SGIP1: variants seen among roughly 807,000 people sequenced by gnomAD.
SGIP1 encodes SH3GL interacting endocytic adaptor 1.
A neutral mutation model predicts 107.5 loss-of-function variants in SGIP1; 38 were observed. The ratio of observed to expected loss-of-function variants is 0.35; its 90% CI spans 0.27 to 0.46. The LOEUF is 0.46. SGIP1 is among the 20% of genes least tolerant of loss of function. The probability of loss-of-function intolerance (pLI) is 1.00; values close to 1 mark genes in which losing one functional copy is unlikely to be tolerated. For synonymous variants in SGIP1, 365 were observed against 366.1 expected, an observed-to-expected ratio of 1.00 and a Z score of 0.03; for missense variants, 929 against 1,019.5, an observed-to-expected ratio of 0.91 and a Z score of 1.21.
intron 18 of SGIP1, chr1:66,704,265 C>T (rs1208546838): frequency 1.3e-5 from 2 of 152,026 alleles, no homozygotes; most frequent in East Asian, 1.9e-4. Context: ...GTCTCCCTTC[C>T]TTGTCAGCAG....
At chr1:66,592,818 A>G (rs1036742809) in intron 1 of SGIP1, among the ~76,000 whole-genome samples, 1 of 148,496 alleles carries the variant, frequency 6.7e-6, no homozygotes, top group Non-Finnish European at 1.5e-5. Flanking sequence ...CTACGATTTC[A>G]TATAGTTGGA....
Position 66,614,312 on chromosome 1 carries a change from T to C in SGIP1, c.11-11535T>C, listed in dbSNP as rs138745989. On this transcript the variant is annotated intron_variant, in intron 1 of 24. Coordinates refer to ENST00000371037, the MANE Select transcript of SGIP1 (RefSeq NM_032291.4). The stretch of plus-strand genomic sequence containing the variant: ...AGGGAGAGCAGGTGTTCACTGTAAC[T>C]TGATGGATTTAAGTGATCCAACAGG... Among the ~76,000 whole-genome samples the C allele has an allele frequency of 3.3e-5, 5 of 152,340 alleles. No homozygotes were observed. In the East Asian group the frequency reaches 9.6e-4, roughly 29 times the overall value.
At chr1:66,725,908 A>C (rs1389746129) in intron 19 of SGIP1, among the ~76,000 whole-genome samples, 1 of 152,240 alleles carries the variant, frequency 6.6e-6, no homozygotes, top group East Asian at 1.9e-4. Flanking sequence ...GCACTGCAGA[A>C]GATGGCAGTG....
intron 1 of SGIP1, among the ~76,000 whole-genome samples, chr1:66,578,902 C>T (rs1185422145): frequency 6.6e-6 from 1 of 152,048 alleles, no homozygotes; most frequent in Non-Finnish European, 1.5e-5. Flanking sequence ...GACTCCCAAC[C>T]TCAGGAGATC....
chr1:66,610,458 TC>T (rs1413995171), intron 1 of SGIP1, among the ~76,000 whole-genome samples: 2 of 152,168 alleles, frequency 1.3e-5, no homozygotes, highest in African/African-American at 4.8e-5. Flanking sequence ...TCCCTGGAGT[TC>T]AGTTTTGCTC....
At chr1:66,675,792 C>G (rs1203011000) in intron 12 of SGIP1, among the ~76,000 whole-genome samples, 1 of 152,022 alleles carries the variant, frequency 6.6e-6, no homozygotes, top group Non-Finnish European at 1.5e-5. Flanking sequence ...CCTCAGCCTC[C>G]CAAAGTGCTG....
intron 20 of SGIP1, among the ~76,000 whole-genome samples, chr1:66,730,776 G>A (rs2093972241): frequency 6.6e-6 from 1 of 152,052 alleles, no homozygotes; most frequent in Non-Finnish European, 1.5e-5. Flanking sequence ...AATCCTTTTA[G>A]CTCCAGCCAG....
chr1:66,686,634 T>TCC (rs1169421847), intron 15 of SGIP1, among the ~76,000 whole-genome samples: 2 of 152,138 alleles, frequency 1.3e-5, no homozygotes, highest in African/African-American at 2.4e-5. Context: ...GCCCTGAACA[T>TCC]CCCCTGCTAA....
rs561263658 is a variant in SGIP1, at chr1:66,742,284, T to C, written c.2465-789T>C. Reference sequence around the variant, plus strand: ...TGGCACAAACAATGGGGTTTTATTTTGTTTTTCAATTGGGGGAGAGGAACT... The same window carrying C: ...TGGCACAAACAATGGGGTTTTATTTCGTTTTTCAATTGGGGGAGAGGAACT... On this transcript the variant is annotated intron_variant, in intron 24 of 24. Transcript: ENST00000371037. Among the ~76,000 whole-genome samples the C allele has an allele frequency of 4.6e-5, 7 of 152,196 alleles. No individual in the cohort carries two copies. In the South Asian group the frequency reaches 1.5e-3, roughly 32 times the overall value.
chr1:66,699,049 G>A (rs1463939731), intron 18 of SGIP1, among the ~76,000 whole-genome samples: 1 of 151,684 alleles, frequency 6.6e-6, no homozygotes, highest in Non-Finnish European at 1.5e-5. Context: ...CTGTTTACTC[G>A]TCTTTTCCCA....
intron 1 of SGIP1, among the ~76,000 whole-genome samples, chr1:66,606,546 G>A (rs562614817): frequency 1.2e-3 from 177 of 152,310 alleles, no homozygotes; most frequent in African/African-American, 4.2e-3. Context: ...AGGGAGACAT[G>A]ACAGAGGGCT....
chr1:66,568,920 A>G (rs2060019386), intron 1 of SGIP1, among the ~76,000 whole-genome samples: 1 of 151,942 alleles, frequency 6.6e-6, no homozygotes, highest in South Asian at 2.1e-4. Context: ...CTGCTACCCC[A>G]TATAGCACAG....
chr1:66,709,679 G>T (rs2092779144), intron 18 of SGIP1, among the ~76,000 whole-genome samples: 1 of 152,034 alleles, frequency 6.6e-6, no homozygotes, highest in Non-Finnish European at 1.5e-5. Context: ...CTTACCTCAG[G>T]ACAGGAGAAG....
chr1:66,654,561 C>A (rs1369904557), intron 7 of SGIP1, among the ~76,000 whole-genome samples: 1 of 151,874 alleles, frequency 6.6e-6, no homozygotes, highest in Non-Finnish European at 1.5e-5. Context: ...AAAATCTATC[C>A]CTTTGCCCTC....
rs992475713 is a variant in SGIP1, at chr1:66,750,768, G to C, written c.*7673G>C. ...TCAAGAGAAAACCAACAACGGAAGC[G>C]AAGACTTACTTGCTCCTTCACAGAA... On this transcript the variant is annotated 3_prime_UTR_variant, in exon 25 of 25. Transcript: ENST00000371037. Among the ~76,000 whole-genome samples the C allele has an allele frequency of 1.6e-4, 20 of 128,892 alleles. No individual in the cohort carries two copies. Among genetic ancestry groups the C allele is most frequent in the African/African-American group, 5.5e-4 (19 of 34,862 alleles). The allele number at this position is 128,892 out of a possible 152,430, so 84.6% of individuals were successfully genotyped here.
chr1:66,700,072 G>T (rs911250275), intron 18 of SGIP1, among the ~76,000 whole-genome samples: 2 of 117,264 alleles, frequency 1.7e-5, no homozygotes, highest in Non-Finnish European at 3.6e-5. Flanking sequence ...GGGTCACACA[G>T]TCAAAAGAGA....
At chr1:66,601,327 T>C (rs1417119189) in intron 1 of SGIP1, among the ~76,000 whole-genome samples, 1 of 152,158 alleles carries the variant, frequency 6.6e-6, no homozygotes, top group African/African-American at 2.4e-5. Context: ...ATCGCGCCAC[T>C]GCACTCCAGC....
At chr1:66,591,019 G>A (rs2063536272) in intron 1 of SGIP1, among the ~76,000 whole-genome samples, 1 of 152,194 alleles carries the variant, frequency 6.6e-6, no homozygotes, top group African/African-American at 2.4e-5. Context: ...AGTGATCAAT[G>A]TAAATTTTTT....
intron 24 of SGIP1, 112 bp downstream of exon 24, chr1:66,741,548 C>A: frequency 9.0e-7 from 1 of 1,114,610 alleles, no homozygotes. Context: ...TTCCCACTCC[C>A]AACCCCCATC....
Sources: allele counts gnomAD v4.1 joint callset (sites outside exome capture counted in the v4.1 genomes callset), GRCh38; gene constraint gnomAD v4.1.1; transcripts MANE v1.5; gene names NCBI Gene and HGNC (gene_info 2026-07-23, HGNC 2026-07-21).